CDKAL1: variants seen among roughly 807,000 people sequenced by gnomAD.
CDKAL1 encodes threonylcarbamoyladenosine tRNA methylthiotransferase.
A neutral mutation model predicts 68.2 loss-of-function variants in CDKAL1; 32 were observed. That is an observed-to-expected ratio of 0.47 (90% CI 0.35 to 0.63). The LOEUF is 0.63. Among genes scored for constraint, CDKAL1 ranks in the 30% least tolerant of loss-of-function variants. The pLI is 0.00. For missense variants in CDKAL1, 606 were observed against 696.7 expected (o/e 0.87, Z 1.47); for synonymous variants, 234 against 244.3 (o/e 0.96, Z 0.39).
intron 4 of CDKAL1, among the ~76,000 whole-genome samples, chr6:20,620,962 G>A (rs567904862): frequency 5.3e-4 from 80 of 152,004 alleles, no homozygotes; most frequent in African/African-American, 1.9e-3. Context: ...TCTTTTCCAG[G>A]ATGCCATCCA....
At chr6:20,596,478 T>A (rs943281866) in intron 4 of CDKAL1, among the ~76,000 whole-genome samples, 7 of 152,200 alleles carry the variant, frequency 4.6e-5, no homozygotes, top group African/African-American at 1.7e-4. Flanking sequence ...GAAAACCGCC[T>A]ACTCAAGCCT....
At chr6:21,169,922 C>CA (rs1554191164) in intron 13 of CDKAL1, among the ~76,000 whole-genome samples, 5 of 27,534 alleles carry the variant, frequency 1.8e-4, no homozygotes, top group Non-Finnish European at 3.3e-4. Context: ...ACGGGAAAGA[C>CA]CCCCCCCACC....
At chr6:21,042,146 T>G (rs73735611) in intron 11 of CDKAL1, among the ~76,000 whole-genome samples, 3,099 of 152,274 alleles carry the variant, frequency 0.02, 97 homozygotes, top group African/African-American at 0.068. Context: ...CACTCAAGTC[T>G]TAATCCATTT....
chr6:21,094,858 T>C (rs1773239982), intron 12 of CDKAL1, among the ~76,000 whole-genome samples: 1 of 152,230 alleles, frequency 6.6e-6, no homozygotes, highest in Admixed American at 6.5e-5. Flanking sequence ...CAAAAGAATG[T>C]TTGGACTTTG....
intron 13 of CDKAL1, among the ~76,000 whole-genome samples, chr6:21,193,622 C>T (rs935682385): frequency 6.6e-6 from 1 of 152,048 alleles, no homozygotes; most frequent in Non-Finnish European, 1.5e-5. Flanking sequence ...TGTCTTTGTC[C>T]CCTACTGACC....
Position 20,544,128 on chromosome 6 carries a change from T to G in CDKAL1, c.-5-2218T>G, listed in dbSNP as rs1581700047. ...TCAAGGTTCATTTTTTGCCTATAAA[T>G]GTCTGCTTGCTCCAGCACGAATTGT... On this transcript the variant is annotated intron_variant, in intron 2 of 15. Coordinates refer to ENST00000274695, the MANE Select transcript of CDKAL1 (RefSeq NM_017774.3). 2.0e-5 allele frequency among the ~76,000 whole-genome samples: 3 copies of G among 152,316 alleles called. No homozygotes were observed. The South Asian group carries it at 6.2e-4, about 32-fold the overall frequency.
intron 5 of CDKAL1, among the ~76,000 whole-genome samples, chr6:20,676,121 C>T (rs903561038): frequency 2.8e-4 from 42 of 151,786 alleles, no homozygotes; most frequent in Non-Finnish European, 1.0e-4. Context: ...TTAAGGTAAT[C>T]GTTATTATGA....
chr6:20,700,355 CAA>C (rs111802988), intron 5 of CDKAL1, among the ~76,000 whole-genome samples: 47 of 130,024 alleles, frequency 3.6e-4, no homozygotes, highest in African/African-American at 1.1e-3. Flanking sequence ...AACTCCATCT[CAA>C]AAAAAAAAAA....
At chr6:20,550,725 A>G (rs986749226) in intron 4 of CDKAL1, among the ~76,000 whole-genome samples, 10 of 152,144 alleles carry the variant, frequency 6.6e-5, no homozygotes, top group African/African-American at 2.4e-4. Context: ...TATTATGTGT[A>G]CTAAATGGAA....
At position 21,231,152 on chromosome 6, in the gene CDKAL1, C is replaced by T. The variant is rs1247122527; in HGVS notation, c.*113C>T. 2.7e-6 allele frequency: 2 copies of T among 732,246 alleles called. No homozygotes were observed. The highest frequency in any genetic ancestry group is 4.2e-6 in the Non-Finnish European group (2 of 474,588). The allele number at this position is 732,246 out of a possible 1,614,324, so 45.4% of individuals were successfully genotyped here. A position where few individuals can be genotyped will look rare whatever the true frequency, so the allele number is the denominator to read the frequency against. Reference sequence around the variant, plus strand: ...AGGGCAATAATTTGTACTGGTCATGCTGCCTCCTTCTCAGCCACTCTTCTT... The same window carrying T: ...AGGGCAATAATTTGTACTGGTCATGTTGCCTCCTTCTCAGCCACTCTTCTT... On this transcript the variant is annotated 3_prime_UTR_variant, in exon 16 of 16. Coordinates refer to ENST00000274695, the MANE Select transcript of CDKAL1 (RefSeq NM_017774.3).
intron 4 of CDKAL1, among the ~76,000 whole-genome samples, chr6:20,595,125 T>C (rs1765764526): frequency 6.6e-6 from 1 of 152,196 alleles, no homozygotes; most frequent in Non-Finnish European, 1.5e-5. Context: ...ATTTCAACCT[T>C]TGTGAATCTG....
At chr6:20,646,730 T>C (rs1768482692) in intron 4 of CDKAL1, among the ~76,000 whole-genome samples, 1 of 152,118 alleles carries the variant, frequency 6.6e-6, no homozygotes, top group Non-Finnish European at 1.5e-5. Flanking sequence ...TGGATTAGGA[T>C]TATCTGTCAT....
chr6:20,767,330 T>C (rs1174273328), intron 7 of CDKAL1, among the ~76,000 whole-genome samples: 1 of 152,190 alleles, frequency 6.6e-6, no homozygotes, highest in African/African-American at 2.4e-5. Flanking sequence ...GTAAATTGTA[T>C]TGTATTGGTA....
chr6:21,117,448 G>A (rs1774473345), intron 13 of CDKAL1, among the ~76,000 whole-genome samples: 1 of 148,262 alleles, frequency 6.7e-6, no homozygotes, highest in African/African-American at 2.5e-5. Flanking sequence ...GACCACCTTG[G>A]GCAACATGGC....
At chr6:20,648,126 GA>G (rs1247830726) in intron 4 of CDKAL1, among the ~76,000 whole-genome samples, 4 of 149,200 alleles carry the variant, frequency 2.7e-5, no homozygotes, top group Non-Finnish European at 4.5e-5. Context: ...AATACTGGGG[GA>G]ATTTTTTTTT....
At chr6:20,986,147 T>G (rs1443080310) in intron 10 of CDKAL1, among the ~76,000 whole-genome samples, 1 of 152,180 alleles carries the variant, frequency 6.6e-6, no homozygotes, top group Non-Finnish European at 1.5e-5. Context: ...GTCTAAGTGC[T>G]TGGGTGATTT....
intron 13 of CDKAL1, among the ~76,000 whole-genome samples, chr6:21,168,793 G>A (rs1777251854): frequency 6.6e-6 from 1 of 152,130 alleles, no homozygotes; most frequent in African/African-American, 2.4e-5. Flanking sequence ...GATCAACAGA[G>A]CTTTGATATT....
chr6:20,702,885 ACTT>A (rs1771433517), intron 5 of CDKAL1, among the ~76,000 whole-genome samples: 1 of 151,922 alleles, frequency 6.6e-6, no homozygotes, highest in Non-Finnish European at 1.5e-5. Context: ...TCCCTTCACC[ACTT>A]CTTTATCATT....
chr6:21,091,857 C>CTTTTTTTTTTTT lies in CDKAL1; in HGVS notation c.1237-16508_1237-16497dup, dbSNP rs70990099. 1.8e-4 allele frequency among the ~76,000 whole-genome samples: 13 copies of CTTTTTTTTTTTT among 70,578 alleles called. 2 individuals carry two copies. The highest frequency in any genetic ancestry group is 2.3e-4 in the Non-Finnish European group (9 of 38,608). 46.3% of individuals were successfully genotyped at this position (70,578 alleles called of 152,430 possible). On this transcript the variant is annotated intron_variant, in intron 12 of 15. Coordinates refer to ENST00000274695, the MANE Select transcript of CDKAL1 (RefSeq NM_017774.3). Reference sequence around the variant, plus strand: ...AATGCAGCAACAGGCTCAGAACTTTCTTTTTTTTTTTTTTTTTTTTTTTTT... The same window carrying CTTTTTTTTTTTT: ...AATGCAGCAACAGGCTCAGAACTTTCTTTTTTTTTTTTTTTTTTTTTTTTTTTTTTTTTTTTT...
Sources: allele counts gnomAD v4.1 joint callset (sites outside exome capture counted in the v4.1 genomes callset), GRCh38; gene constraint gnomAD v4.1.1; transcripts MANE v1.5; gene names NCBI Gene and HGNC (gene_info 2026-07-23, HGNC 2026-07-21).